Variants in SAMD4B observed in about 807,000 individuals in gnomAD.
SAMD4B encodes sterile alpha motif domain containing 4B, also known as protein Smaug homolog 2.
SAMD4B carries 5 observed loss-of-function variants against 74.5 expected under a neutral mutation model. The ratio of observed to expected loss-of-function variants is 0.07; its 90% CI spans 0.04 to 0.14. SAMD4B has a LOEUF of 0.14. Among genes scored for constraint, SAMD4B ranks in the 10% least tolerant of loss-of-function variants. The pLI, the probability that SAMD4B is intolerant of heterozygous loss-of-function variation, is 1.00. For missense variants in SAMD4B, 608 were observed against 921.8 expected (o/e 0.66, Z 4.41); for synonymous variants, 373 against 374.9 (o/e 1.00, Z 0.06).
downstream of SAMD4B, chr19:39,386,276 G>A (rs145049661): frequency 9.1e-5 from 147 of 1,613,950 alleles, no homozygotes; most frequent in Middle Eastern, 9.9e-4. This position sits in a 1 kb window ranked among gnomAD's most constrained non-coding sequence, Gnocchi z 6.1. Context: ...CGCTGCTCTC[G>A]TCCTCACCAC....
intron 3 of SAMD4B, 112 bp from the exon 4 acceptor site, chr19:39,369,543 T>A (rs941604028): frequency 1.6e-5 from 13 of 809,398 alleles, no homozygotes; most frequent in Admixed American, 2.8e-5. Flanking sequence ...GAAAAGAAAA[T>A]CGTTATGAAA....
chr19:39,388,517 C>G (rs2078303084), downstream of SAMD4B: 8 of 1,612,884 alleles, frequency 5.0e-6, no homozygotes, highest in Non-Finnish European at 6.8e-6. Context: ...ATCCCAATCC[C>G]CAAAACTTCC....
chr19:39,369,018 A>C (rs1312830680), intron 3 of SAMD4B: 3 of 152,768 alleles, frequency 2.0e-5, no homozygotes, highest in African/African-American at 7.2e-5. Context: ...GGAAGGAGTC[A>C]TGGAGATAAA....
At position 39,375,769 on chromosome 19, in the gene SAMD4B, A is replaced by G; in HGVS notation, c.787A>G (p.Thr263Ala). 1 of 1,614,050 alleles carries G rather than the reference A, an allele frequency of 6.2e-7. No homozygotes were observed. Among genetic ancestry groups the G allele is most frequent in the Non-Finnish European group, 8.5e-7 (1 of 1,180,018 alleles). The change falls in exon 5 of 14, where the codon ACC becomes GCC. Residue 263 changes from threonine to alanine, a missense_variant. Thr to Ala is a moderately conservative substitution (Grantham distance 58). Around this residue, in one of 9 missense-constraint regions of SAMD4B, gnomAD observed 31 missense variants for 43.4 expected, o/e 0.71. Transcript: ENST00000610417. The surrounding 1 kb of genome is among the most constrained non-coding windows in gnomAD (Gnocchi z 4.1). The part of the protein sequence containing the change: ...PEELGARAAF[T>A]TPDHAPLSPQ... ...GGAGCTTGGGGCCCGGGCTGCTTTT[A>G]CCACGCCCGATCACGCACCTCTCTC...
At chr19:39,369,484 G>T in intron 3 of SAMD4B, 171 bp from the exon 4 acceptor site, 1 of 612,900 alleles carries the variant, frequency 1.6e-6, no homozygotes, top group Non-Finnish European at 2.9e-6. Context: ...CCAGAGGCAG[G>T]GTCAGTGTGT....
chr19:39,364,575 A>G (rs1246521803), intron 3 of SAMD4B, among the ~76,000 whole-genome samples: 1 of 151,624 alleles, frequency 6.6e-6, no homozygotes, highest in East Asian at 1.9e-4. Flanking sequence ...TTTTATTTTC[A>G]TTCTTGACTT....
chr19:39,383,329 A>G lies in SAMD4B; in HGVS notation c.2056+38A>G, dbSNP rs1600595674. The stretch of plus-strand genomic sequence containing the variant: ...TCTTTCCCTGACCCAGCTCCCACCT[A>G]CCCAGCGTCTCTGCCTCTGAACTGA... On this transcript the variant is annotated intron_variant, in intron 13 of 13. Coordinates refer to ENST00000610417, the MANE Select transcript of SAMD4B (RefSeq NM_001384574.2). The surrounding 1 kb of genome is among the most constrained non-coding windows in gnomAD (Gnocchi z 4.1). The G allele has an allele frequency of 6.2e-7, 1 of 1,605,284 alleles. No individual in the cohort carries two copies. Among genetic ancestry groups the G allele is most frequent in the South Asian group, 1.1e-5 (1 of 90,932 alleles).
At chr19:39,354,771 C>A (rs983223722) in intron 2 of SAMD4B, among the ~76,000 whole-genome samples, 1 of 152,128 alleles carries the variant, frequency 6.6e-6, no homozygotes, top group African/African-American at 2.4e-5. Flanking sequence ...GAAGACAGTT[C>A]CACTGAATAA....
chr19:39,381,261 T>C (rs2077966901), intron 12 of SAMD4B, 148 bp downstream of exon 12: 1 of 911,920 alleles, frequency 1.1e-6, no homozygotes, highest in Non-Finnish European at 1.6e-6. Flanking sequence ...TCTCCCCCAA[T>C]TGTGGGGGGT....
At chr19:39,357,141 AGATGTCACAT>A (rs770621896) in intron 3 of SAMD4B, 52 bp downstream of exon 3, 91 of 1,489,472 alleles carry the variant, frequency 6.1e-5, no homozygotes, top group Admixed American at 5.8e-4. Flanking sequence ...GACCTGGAAC[AGATGTCACAT>A]GGCTAAGAAG....
chr19:39,390,195 G>A (rs1568375406), downstream of SAMD4B: 4 of 1,610,848 alleles, frequency 2.5e-6, no homozygotes, highest in East Asian at 2.2e-5. Context: ...GTGGGCCCCC[G>A]CTGCCCCACC....
At chr19:39,342,935 C>T (rs140447088) in intron 1 of SAMD4B, among the ~76,000 whole-genome samples, 2 of 151,462 alleles carry the variant, frequency 1.3e-5, no homozygotes, top group Admixed American at 6.6e-5. Flanking sequence ...GAAAGGTCCC[C>T]GCAAAACCCA....
intron 3 of SAMD4B, among the ~76,000 whole-genome samples, chr19:39,366,498 G>GTTCT (rs1372288950): frequency 2.0e-5 from 3 of 152,144 alleles, no homozygotes. Context: ...ACAAACAGGT[G>GTTCT]TTCTCTCTTG....
chr19:39,352,013 A>AT (rs1369208367), intron 1 of SAMD4B: 1 of 152,290 alleles, frequency 6.6e-6, no homozygotes, highest in Non-Finnish European at 1.5e-5. Flanking sequence ...AGCCAAGCAC[A>AT]TGGGATAGAA....
rs1002367293 is a variant in SAMD4B, at chr19:39,385,380, G to A, written c.*1853G>A. On this transcript the variant is annotated 3_prime_UTR_variant, in exon 14 of 14. Coordinates refer to ENST00000610417, the MANE Select transcript of SAMD4B (RefSeq NM_001384574.2). ...GAGCTGACTGTGCCTGGCACTGGGA[G>A]GTGGTGAGGGACACCGTCTCACACA... 2.0e-4 allele frequency: 81 copies of A among 403,988 alleles called. No individual in the cohort carries two copies. Among genetic ancestry groups the A allele is most frequent in the Non-Finnish European group, 3.3e-4 (76 of 229,210 alleles). 25.0% of individuals were successfully genotyped at this position (403,988 alleles called of 1,614,324 possible). A position where few individuals can be genotyped will look rare whatever the true frequency, so the allele number is the denominator to read the frequency against.
chr19:39,375,994 G>A lies in SAMD4B; in HGVS notation c.907+105G>A. On this transcript the variant is annotated intron_variant, in intron 5 of 13. Transcript: ENST00000610417. This position sits in a 1 kb window ranked among gnomAD's most constrained non-coding sequence, Gnocchi z 4.1. ...GACACCTGCTTACCCCTCTGAGGAGGGGACATGTCTGAGGGGAGTAGATAG... is the reference window on the plus strand; with the variant it reads ...GACACCTGCTTACCCCTCTGAGGAGAGGACATGTCTGAGGGGAGTAGATAG... The A allele has an allele frequency of 6.9e-7, 1 of 1,452,070 alleles. No homozygotes were observed. 89.9% of individuals were successfully genotyped at this position (1,452,070 alleles called of 1,614,324 possible). A position where few individuals can be genotyped will look rare whatever the true frequency, so the allele number is the denominator to read the frequency against.
intron 4 of SAMD4B, among the ~76,000 whole-genome samples, chr19:39,374,147 C>T (rs568205234): frequency 1.4e-5 from 2 of 147,548 alleles, no homozygotes; most frequent in South Asian, 4.3e-4. Flanking sequence ...GTTGGCCACC[C>T]GTAGTCCCAG....
In SAMD4B at chr19:39,375,652, C is replaced by CT; in HGVS notation, c.671dup (p.Cys226LeufsTer6). On this transcript the variant is annotated frameshift_variant, in exon 5 of 14. Coordinates refer to ENST00000610417, the MANE Select transcript of SAMD4B (RefSeq NM_001384574.2). LOFTEE classifies it high-confidence loss of function. The surrounding 1 kb of genome is among the most constrained non-coding windows in gnomAD (Gnocchi z 4.1). ...TGCTTTTCTCCCACTCTGGCCAGGT[C>CT]TCCCCTGCCAAATCCACCCTAGCCC... 6.3e-7 allele frequency: 1 copy of CT among 1,599,190 alleles called. No individual in the cohort carries two copies. The highest frequency in any genetic ancestry group is 8.6e-7 in the Non-Finnish European group (1 of 1,167,486).
chr19:39,365,231 G>A (rs1265198649), intron 3 of SAMD4B, among the ~76,000 whole-genome samples: 2 of 141,638 alleles, frequency 1.4e-5, no homozygotes, highest in Non-Finnish European at 3.0e-5. Context: ...GGGTGACAGA[G>A]CGAGACTCCG....
Sources: gnomAD v4.1 joint callset for allele counts (sites outside exome capture counted in the v4.1 genomes callset) on GRCh38, gnomAD v4.1.1 for gene constraint, gnomAD v4.1.1 regional missense constraint, Gnocchi (gnomAD v3.1) non-coding constraint, MANE v1.5 for transcripts, NCBI Gene and HGNC (gene_info 2026-07-23, HGNC 2026-07-21) for gene names.